The following ROPN1 variants were observed in gnomAD, a reference collection of about 807,000 sequenced individuals.
The protein encoded by ROPN1 is rhophilin associated tail protein 1.
A neutral mutation model predicts 20.5 loss-of-function variants in ROPN1; 14 were observed. That is an observed-to-expected ratio of 0.68 (90% CI 0.45 to 1.07). The LOEUF (loss-of-function observed/expected upper bound fraction) is 1.07. Among genes scored for constraint, ROPN1 ranks in the 50% least tolerant of loss-of-function variants. The pLI is 0.00. For synonymous variants in ROPN1, 76 were observed against 95.7 expected (o/e 0.79, Z 1.20); for missense variants, 169 against 242.8 (o/e 0.70, Z 2.02).
Position 123,990,460 on chromosome 3 carries a change from C to A in ROPN1, c.-13+1462G>T, listed in dbSNP as rs141555733. ...AAAGGAGGGTCAGGTCAAATTATCC[C>A]CCCATGTTCCCATTTACTTTCAGGA... On this transcript the variant is annotated intron_variant, in intron 1 of 5. Coordinates refer to ENST00000405845, the MANE Select transcript of ROPN1 (RefSeq NM_001317774.2). Among the ~76,000 whole-genome samples, 1,194 of 152,268 alleles carry A rather than the reference C, an allele frequency of 7.8e-3. 18 individuals carry two copies. Among genetic ancestry groups the A allele is most frequent in the African/African-American group, 0.026 (1,092 of 41,546 alleles).
At chr3:123,986,431 T>C (rs1261316243) in intron 1 of ROPN1, among the ~76,000 whole-genome samples, 1 of 152,100 alleles carries the variant, frequency 6.6e-6, no homozygotes. Flanking sequence ...TGATGGAGAC[T>C]GTGTGTGCTG....
At chr3:123,984,189 A>T (rs901491950) in intron 1 of ROPN1, among the ~76,000 whole-genome samples, 2 of 152,070 alleles carry the variant, frequency 1.3e-5, no homozygotes, top group South Asian at 2.1e-4. Context: ...TCACGGCTTT[A>T]TCTACGACAA....
At chr3:123,990,756 C>T (rs996688851) in intron 1 of ROPN1, among the ~76,000 whole-genome samples, 4 of 152,146 alleles carry the variant, frequency 2.6e-5, no homozygotes, top group African/African-American at 9.7e-5. Context: ...AATGCATTTC[C>T]TCCTAAGTGA....
intron 4 of ROPN1, among the ~76,000 whole-genome samples, chr3:123,973,509 A>T (rs1472402700): frequency 2.6e-5 from 4 of 152,170 alleles, no homozygotes; most frequent in African/African-American, 9.7e-5. Context: ...TTATTTTAGA[A>T]GGGAAGTAGA....
At chr3:123,977,245 G>T (rs1457110188) in intron 2 of ROPN1, among the ~76,000 whole-genome samples, 1 of 152,188 alleles carries the variant, frequency 6.6e-6, no homozygotes, top group Non-Finnish European at 1.5e-5. Context: ...AAAAGTTTGG[G>T]TATGCAATTC....
intron 1 of ROPN1, among the ~76,000 whole-genome samples, chr3:123,984,225 C>T (rs1361842413): frequency 6.6e-6 from 1 of 152,132 alleles, no homozygotes; most frequent in African/African-American, 2.4e-5. Flanking sequence ...ACTTGTTTTC[C>T]CATCTTTGAC....
At chr3:123,980,055 G>A (rs773783150) in intron 2 of ROPN1, 15 of 504,812 alleles carry the variant, frequency 3.0e-5, no homozygotes, top group Non-Finnish European at 4.5e-5. Context: ...AGGCGTGCAG[G>A]GAGGAGGTGG....
At chr3:123,973,080 C>T (rs7644021) in intron 4 of ROPN1, among the ~76,000 whole-genome samples, 34,043 of 151,834 alleles carry the variant, frequency 0.22, 8,518 homozygotes, top group East Asian at 0.78. Context: ...CCTCATGACC[C>T]AATCAACTCC....
At chr3:123,985,485 TC>T (rs1308385533) in intron 1 of ROPN1, among the ~76,000 whole-genome samples, 1 of 152,198 alleles carries the variant, frequency 6.6e-6, no homozygotes, top group Non-Finnish European at 1.5e-5. Context: ...TCATCATTTG[TC>T]CCTAAGAAAA....
At chr3:123,979,741 C>A (rs541906093) in intron 2 of ROPN1, 259 of 359,510 alleles carry the variant, frequency 7.2e-4, no homozygotes, top group African/African-American at 5.2e-3. Flanking sequence ...GTGTACTGTG[C>A]GGACATCTTT....
intron 1 of ROPN1, among the ~76,000 whole-genome samples, chr3:123,988,121 C>T (rs1288529339): frequency 6.6e-6 from 1 of 151,944 alleles, no homozygotes; most frequent in Non-Finnish European, 1.5e-5. Context: ...ATACCCCACA[C>T]CATTTTCATC....
intron 1 of ROPN1, among the ~76,000 whole-genome samples, chr3:123,987,345 C>G (rs1415236828): frequency 6.6e-6 from 1 of 152,180 alleles, no homozygotes; most frequent in African/African-American, 2.4e-5. Flanking sequence ...AGCTTTCTCC[C>G]CCTTCAGCCA....
chr3:123,985,837 C>T (rs1174506301), intron 1 of ROPN1, among the ~76,000 whole-genome samples: 1 of 151,132 alleles, frequency 6.6e-6, no homozygotes, highest in Non-Finnish European at 1.5e-5. Flanking sequence ...CATGGTGAAA[C>T]CCTGTCTGTA....
At chr3:123,980,269 G>A (rs778442143) in intron 2 of ROPN1, 97 bp downstream of exon 2, 1 of 1,102,568 alleles carries the variant, frequency 9.1e-7, no homozygotes, top group Non-Finnish European at 1.4e-6. Flanking sequence ...AGTTAGTCCG[G>A]ACTTCCTAGC....
intron 3 of ROPN1, among the ~76,000 whole-genome samples, chr3:123,976,269 C>G (rs2038020108): frequency 6.6e-6 from 1 of 152,174 alleles, no homozygotes; most frequent in Non-Finnish European, 1.5e-5. Context: ...GTTAGCCAAG[C>G]CAGTCCTAAA....
chr3:123,977,383 C>T (rs771580243), intron 2 of ROPN1, among the ~76,000 whole-genome samples: 9 of 152,014 alleles, frequency 5.9e-5, no homozygotes, highest in East Asian at 1.9e-4. Flanking sequence ...AAGTAATGTA[C>T]GTAAGAAAGG....
intron 1 of ROPN1, among the ~76,000 whole-genome samples, chr3:123,986,742 G>A (rs1047521384): frequency 6.6e-5 from 10 of 152,202 alleles, no homozygotes; most frequent in South Asian, 4.1e-4. Flanking sequence ...AAAGTGATGT[G>A]GGTAGTTGTT....
intron 2 of ROPN1, chr3:123,979,620 A>G (rs1256270889): frequency 2.8e-6 from 1 of 363,134 alleles, no homozygotes; most frequent in Non-Finnish European, 5.4e-6. Context: ...CCATCTACTG[A>G]GCAGCCTCTG....
In ROPN1 at chr3:123,992,100, C is replaced by T; in HGVS notation, c.-191G>A. 1 of 114,414 alleles carries T rather than the reference C, an allele frequency of 8.7e-6. No homozygotes were observed. Among genetic ancestry groups the T allele is most frequent in the African/African-American group, 3.1e-5 (1 of 32,222 alleles). 7.1% of individuals were successfully genotyped at this position (114,414 alleles called of 1,614,324 possible). ...GACAGCAGCGGCGGGGCACGACCGC[C>T]GTTAGCGTTAGACGTTAGCGCTCCG... On this transcript the variant is annotated 5_prime_UTR_variant, in exon 1 of 6. Transcript: ENST00000405845.
Sources: allele counts gnomAD v4.1 joint callset (sites outside exome capture counted in the v4.1 genomes callset), GRCh38; gene constraint gnomAD v4.1.1; transcripts MANE v1.5; gene names NCBI Gene and HGNC (gene_info 2026-07-23, HGNC 2026-07-21).